Variants in FOXP1 observed in about 807,000 individuals in gnomAD.
The protein encoded by FOXP1 is forkhead box protein P1.
FOXP1 carries 15 observed loss-of-function variants against 98.2 expected under a neutral mutation model. The ratio of observed to expected loss-of-function variants is 0.15; its 90% CI spans 0.10 to 0.24. The LOEUF (loss-of-function observed/expected upper bound fraction) is 0.24. Ranked by LOEUF, FOXP1 falls within the 10% of genes least tolerant of loss-of-function variation. The pLI is 1.00. For missense variants in FOXP1, 633 were observed against 848.5 expected (o/e 0.75, Z 3.15); for synonymous variants, 371 against 314.5 (o/e 1.18, Z -1.90).
At chr3:71,209,125 C>T (rs1433956511) in intron 5 of FOXP1, among the ~76,000 whole-genome samples, 1 of 152,080 alleles carries the variant, frequency 6.6e-6, no homozygotes, top group African/African-American at 2.4e-5. Flanking sequence ...AAAACAGGCC[C>T]CTTTAAGAAA....
intron 3 of FOXP1, among the ~76,000 whole-genome samples, chr3:71,396,964 G>GTGTATATATATATACACATATATA (rs1560424396): frequency 6.4e-5 from 1 of 15,602 alleles, no homozygotes; most frequent in African/African-American, 2.8e-4. Flanking sequence ...ATATATATAT[G>GTGTATATATATATACACATATATA]TGTGTATATA....
chr3:70,990,857 A>G (rs1575934712), intron 13 of FOXP1, among the ~76,000 whole-genome samples: 1 of 152,314 alleles, frequency 6.6e-6, no homozygotes, highest in South Asian at 2.1e-4. Context: ...CACAACAATC[A>G]CACTGTGCTG....
chr3:71,497,622 G>A (rs6798184), intron 2 of FOXP1, among the ~76,000 whole-genome samples: 43,495 of 151,968 alleles, frequency 0.29, 6,580 homozygotes, highest in Non-Finnish European at 0.33. Flanking sequence ...CAAGTTCCAG[G>A]AATCTGCTGT....
chr3:71,284,435 G>T (rs889961930), intron 5 of FOXP1, among the ~76,000 whole-genome samples: 10 of 152,092 alleles, frequency 6.6e-5, no homozygotes, highest in African/African-American at 2.2e-4. Context: ...CATGGTGTGT[G>T]CAACTGAAGT....
intron 2 of FOXP1, among the ~76,000 whole-genome samples, chr3:71,576,308 C>T (rs1363038059): frequency 6.6e-6 from 1 of 152,038 alleles, no homozygotes; most frequent in Non-Finnish European, 1.5e-5. Context: ...TGGAACACAA[C>T]TGTGTATGTA....
chr3:70,974,607 T>C (rs1292234576), intron 17 of FOXP1, among the ~76,000 whole-genome samples: 1 of 152,194 alleles, frequency 6.6e-6, no homozygotes, highest in Non-Finnish European at 1.5e-5. Context: ...TTTAAAAAAA[T>C]ATATTGCCCA....
intron 3 of FOXP1, among the ~76,000 whole-genome samples, chr3:71,363,715 A>T (rs1450700114): frequency 6.6e-6 from 1 of 152,148 alleles, no homozygotes; most frequent in Non-Finnish European, 1.5e-5. Context: ...GACCAGCTAA[A>T]CGTTCATCAA....
intron 13 of FOXP1, among the ~76,000 whole-genome samples, chr3:70,993,860 G>A (rs1403444152): frequency 6.6e-6 from 1 of 151,900 alleles, no homozygotes; most frequent in Admixed American, 6.6e-5. Context: ...AGGGCATGGT[G>A]GCACATGCCT....
intron 6 of FOXP1, among the ~76,000 whole-genome samples, chr3:71,123,812 T>A (rs1389468013): frequency 6.6e-6 from 1 of 152,208 alleles, no homozygotes; most frequent in African/African-American, 2.4e-5. Context: ...TACTGTGTTA[T>A]TAAACCTGCC....
At chr3:71,437,139 A>G (rs1277033261) in intron 3 of FOXP1, among the ~76,000 whole-genome samples, 1 of 152,172 alleles carries the variant, frequency 6.6e-6, no homozygotes, top group Admixed American at 6.6e-5. Flanking sequence ...AGAGCTGGGC[A>G]TGATGGCTCA....
chr3:71,579,915 G>A (rs576899017), intron 2 of FOXP1, among the ~76,000 whole-genome samples: 5 of 151,916 alleles, frequency 3.3e-5, no homozygotes, highest in Non-Finnish European at 7.4e-5. Context: ...GCATCCATAA[G>A]GAACTCAAAT....
intron 5 of FOXP1, among the ~76,000 whole-genome samples, chr3:71,215,272 C>T (rs1645023831): frequency 6.6e-6 from 1 of 152,158 alleles, no homozygotes; most frequent in Non-Finnish European, 1.5e-5. Flanking sequence ...TCCTTCTAAG[C>T]AATATTTATT....
chr3:70,992,100 G>A (rs1046973022), intron 13 of FOXP1, among the ~76,000 whole-genome samples: 1 of 152,168 alleles, frequency 6.6e-6, no homozygotes, highest in African/African-American at 2.4e-5. Flanking sequence ...TGATCTCCAA[G>A]TGAAACGACT....
chr3:70,959,558 C>A (rs1022975021), intron 20 of FOXP1, among the ~76,000 whole-genome samples, 167 bp from the exon 21 acceptor site: 1 of 152,170 alleles, frequency 6.6e-6, no homozygotes, highest in African/African-American at 2.4e-5. Context: ...TGAACGAAAT[C>A]TTACTACATT....
chr3:71,500,071 G>C (rs914141866), intron 2 of FOXP1, among the ~76,000 whole-genome samples: 6 of 152,300 alleles, frequency 3.9e-5, no homozygotes, highest in Middle Eastern at 3.4e-3. Flanking sequence ...GTTTGGGCAA[G>C]CCCATTTAAC....
At chr3:71,514,576 A>C (rs895130956) in intron 2 of FOXP1, among the ~76,000 whole-genome samples, 4 of 152,230 alleles carry the variant, frequency 2.6e-5, no homozygotes, top group African/African-American at 9.6e-5. Context: ...ATATCTGTTG[A>C]CTGAACAATT....
chr3:71,519,716 T>TC (rs1254021488), intron 2 of FOXP1, among the ~76,000 whole-genome samples: 1 of 152,212 alleles, frequency 6.6e-6, no homozygotes, highest in Non-Finnish European at 1.5e-5. Context: ...ACCCAATTCT[T>TC]CCCCCAGTGT....
chr3:71,070,833 G>C (rs999588363), intron 7 of FOXP1, among the ~76,000 whole-genome samples: 2 of 152,222 alleles, frequency 1.3e-5, no homozygotes, highest in African/African-American at 4.8e-5. Context: ...ACGGGAAAAT[G>C]AAGCTTAGCA....
intron 2 of FOXP1, among the ~76,000 whole-genome samples, chr3:71,508,366 C>A (rs533111951): frequency 4.5e-4 from 69 of 152,358 alleles, no homozygotes; most frequent in African/African-American, 1.5e-3. Context: ...CAGCCACCAT[C>A]TTTCCCTCAC....
Sources: gnomAD v4.1 joint callset for allele counts (sites outside exome capture counted in the v4.1 genomes callset) on GRCh38, gnomAD v4.1.1 for gene constraint, MANE v1.5 for transcripts, NCBI Gene and HGNC (gene_info 2026-07-23, HGNC 2026-07-21) for gene names.